The following TBC1D22A variants were observed in gnomAD, a reference collection of about 807,000 sequenced individuals.
TBC1D22A encodes putative GTPase activator.
A neutral mutation model predicts 60.2 loss-of-function variants in TBC1D22A; 38 were observed. The ratio of observed to expected loss-of-function variants is 0.63; its 90% CI spans 0.49 to 0.83. The LOEUF (loss-of-function observed/expected upper bound fraction) is 0.83, where lower values mean the gene tolerates loss of function less well. Among genes scored for constraint, TBC1D22A ranks in the 40% least tolerant of loss-of-function variants. The probability of loss-of-function intolerance (pLI) is 0.00; values close to 1 mark genes in which losing one functional copy is unlikely to be tolerated. For missense variants in TBC1D22A, 628 were observed against 701.0 expected, an observed-to-expected ratio of 0.90 and a Z score of 1.18; for synonymous variants, 302 against 281.7, an observed-to-expected ratio of 1.07 and a Z score of -0.72.
At chr22:46,926,439 A>G (rs1221043092) in intron 8 of TBC1D22A, among the ~76,000 whole-genome samples, 1 of 152,248 alleles carries the variant, frequency 6.6e-6, no homozygotes, top group Non-Finnish European at 1.5e-5. Flanking sequence ...TCTACAAACC[A>G]GGCAGTGTAT....
chr22:46,835,365 A>G (rs1047836415), intron 4 of TBC1D22A, among the ~76,000 whole-genome samples: 1 of 152,242 alleles, frequency 6.6e-6, no homozygotes, highest in African/African-American at 2.4e-5. Flanking sequence ...TAAATAATAT[A>G]TGAACAAAAA....
In TBC1D22A at chr22:46,858,510, C is replaced by T. The variant is rs187202770; in HGVS notation, c.638-20143C>T. ...GTATCTCACGGATGACCAAGCTGGG[C>T]CTTAGAGCTACGTTTCATGTTTATG... is the stretch of plus-strand genomic sequence containing the variant. On this transcript the variant is annotated intron_variant, in intron 4 of 12. Coordinates refer to ENST00000337137, the MANE Select transcript of TBC1D22A (RefSeq NM_014346.5). Among the ~76,000 whole-genome samples the T allele has an allele frequency of 1.6e-4, 25 of 152,298 alleles. No homozygotes were observed. In the East Asian group the frequency reaches 4.6e-3, roughly 28 times the overall value.
At chr22:47,111,709 G>A (rs1426059844) in intron 12 of TBC1D22A, 106 bp downstream of exon 12, 8 of 1,048,106 alleles carry the variant, frequency 7.6e-6, no homozygotes, top group East Asian at 2.6e-5. Flanking sequence ...TTTGAGAAGC[G>A]CTGCCTGCAT....
At chr22:46,920,893 C>T (rs551466348) in intron 8 of TBC1D22A, among the ~76,000 whole-genome samples, 1 of 151,838 alleles carries the variant, frequency 6.6e-6, no homozygotes, top group Non-Finnish European at 1.5e-5. Context: ...GTCTTAGCCT[C>T]CTGAGTAGCT....
chr22:47,159,889 A>G (rs912620100), intron 12 of TBC1D22A, among the ~76,000 whole-genome samples: 1 of 139,770 alleles, frequency 7.2e-6, no homozygotes, highest in Non-Finnish European at 1.6e-5. Context: ...CCATACATGC[A>G]CACATCCTCC....
chr22:46,867,200 G>A (rs2067097268), intron 4 of TBC1D22A, among the ~76,000 whole-genome samples: 1 of 152,238 alleles, frequency 6.6e-6, no homozygotes, highest in Admixed American at 6.5e-5. Context: ...GTTAGCAGCA[G>A]TGAACAGAGG....
chr22:46,828,478 C>T (rs890275597), intron 4 of TBC1D22A, among the ~76,000 whole-genome samples: 25 of 152,382 alleles, frequency 1.6e-4, no homozygotes, highest in African/African-American at 5.5e-4. Flanking sequence ...CCCACTCCCA[C>T]GGCCTGTCCT....
chr22:46,813,407 T>C (rs1482687910), intron 4 of TBC1D22A, among the ~76,000 whole-genome samples: 1 of 152,250 alleles, frequency 6.6e-6, no homozygotes, highest in Non-Finnish European at 1.5e-5. Flanking sequence ...AAATTTGCTT[T>C]GGCCAGTATG....
At chr22:47,159,430 C>A (rs983587374) in intron 12 of TBC1D22A, among the ~76,000 whole-genome samples, 7 of 151,284 alleles carry the variant, frequency 4.6e-5, no homozygotes, top group Admixed American at 1.3e-4. Flanking sequence ...AGACACCATA[C>A]AAACACACAG....
At chr22:46,793,908 C>A in intron 3 of TBC1D22A, 67 bp downstream of exon 3, 1 of 1,401,246 alleles carries the variant, frequency 7.1e-7, no homozygotes, top group Non-Finnish European at 9.6e-7. Flanking sequence ...CCAGAACACA[C>A]TCACTGTGGG....
intron 8 of TBC1D22A, among the ~76,000 whole-genome samples, chr22:46,959,178 C>T (rs1435013626): frequency 6.6e-6 from 1 of 152,146 alleles, no homozygotes; most frequent in Non-Finnish European, 1.5e-5. Context: ...CCGTTCTACC[C>T]AACAAAAAAC....
rs1276876237 is a variant in TBC1D22A at position 47,173,892 on chromosome 22, C to G, written c.*266C>G. ...AGAGGCAGGTCAGGGGTCCCCTCTCCCTCTCCCTGCAATGTCCTTGCCAAA... is the reference window on the plus strand; with the variant it reads ...AGAGGCAGGTCAGGGGTCCCCTCTCGCTCTCCCTGCAATGTCCTTGCCAAA... On this transcript the variant is annotated 3_prime_UTR_variant, in exon 13 of 13. Coordinates refer to ENST00000337137, the MANE Select transcript of TBC1D22A (RefSeq NM_014346.5). The G allele has an allele frequency of 2.4e-6, 1 of 419,748 alleles. No homozygotes were observed. Among genetic ancestry groups the G allele is most frequent in the African/African-American group, 2.0e-5 (1 of 49,322 alleles). 26.0% of individuals were successfully genotyped at this position (419,748 alleles called of 1,614,324 possible).
At chr22:46,926,216 C>G (rs1026978149) in intron 8 of TBC1D22A, among the ~76,000 whole-genome samples, 3 of 152,024 alleles carry the variant, frequency 2.0e-5, no homozygotes, top group Non-Finnish European at 2.9e-5. Flanking sequence ...TAAAAAAGAC[C>G]TCAAATCATT....
At chr22:47,143,457 T>C (rs962904929) in intron 12 of TBC1D22A, among the ~76,000 whole-genome samples, 1 of 152,238 alleles carries the variant, frequency 6.6e-6, no homozygotes, top group African/African-American at 2.4e-5. Flanking sequence ...TAATGAGTTT[T>C]GAACCGCTTC....
rs139550375 is a variant in TBC1D22A, at chr22:47,013,980, C to T, written c.1201+16271C>T. On this transcript the variant is annotated intron_variant, in intron 10 of 12. Coordinates refer to ENST00000337137, the MANE Select transcript of TBC1D22A (RefSeq NM_014346.5). ...CAGAGACCCTCGGTTTGACCCTCTG[C>T]CGAGCGGAAGCTCTGGTGATCTGGG... 3.2e-3 allele frequency among the ~76,000 whole-genome samples: 495 copies of T among 152,364 alleles called. 2 individuals are homozygous for T. The highest frequency in any genetic ancestry group is 9.9e-3 in the African/African-American group (413 of 41,598).
At chr22:47,062,360 G>GGGGTGAGGGA (rs1233993776) in intron 11 of TBC1D22A, among the ~76,000 whole-genome samples, 1 of 152,168 alleles carries the variant, frequency 6.6e-6, no homozygotes, top group Non-Finnish European at 1.5e-5. Context: ...CATTCTCTGT[G>GGGGTGAGGGA]GGGTGAGGGA....
chr22:47,153,175 G>A (rs2067574940), intron 12 of TBC1D22A, among the ~76,000 whole-genome samples: 1 of 152,146 alleles, frequency 6.6e-6, no homozygotes, highest in Non-Finnish European at 1.5e-5. Flanking sequence ...GGCAGCAGGA[G>A]GATAAAAGGC....
At chr22:47,147,190 G>T (rs1340005834) in intron 12 of TBC1D22A, among the ~76,000 whole-genome samples, 2 of 152,248 alleles carry the variant, frequency 1.3e-5, no homozygotes, top group African/African-American at 4.8e-5. Flanking sequence ...AGACAAGGGA[G>T]GGCTCCGCCA....
intron 8 of TBC1D22A, among the ~76,000 whole-genome samples, chr22:46,925,600 T>A (rs1172592201): frequency 2.0e-5 from 3 of 152,256 alleles, no homozygotes; most frequent in Admixed American, 6.5e-5. Flanking sequence ...TTCTGGCCTT[T>A]TACTCTGTAG....
Sources: gnomAD v4.1 joint callset for allele counts (sites outside exome capture counted in the v4.1 genomes callset) on GRCh38, gnomAD v4.1.1 for gene constraint, MANE v1.5 for transcripts, NCBI Gene and HGNC (gene_info 2026-07-23, HGNC 2026-07-21) for gene names.